Variants in OXR1 observed in about 807,000 individuals in gnomAD.
OXR1 encodes oxidation resistance 1.
A neutral mutation model predicts 104.6 loss-of-function variants in OXR1; 41 were observed. The ratio of observed to expected loss-of-function variants is 0.39; its 90% CI spans 0.31 to 0.51. The LOEUF (loss-of-function observed/expected upper bound fraction) is 0.51. Ranked by LOEUF, OXR1 falls within the 20% of genes least tolerant of loss-of-function variation. The probability of loss-of-function intolerance (pLI) is 0.77; values close to 1 mark genes in which losing one functional copy is unlikely to be tolerated. For missense variants in OXR1, 955 were observed against 1,031.9 expected (o/e 0.93, Z 1.02); for synonymous variants, 348 against 348.4 (o/e 1.00, Z 0.01).
chr8:106,522,882 T>G (rs1361248313), intron 3 of OXR1: 1 of 152,232 alleles, frequency 6.6e-6, no homozygotes, highest in African/African-American at 2.4e-5. Flanking sequence ...AACACCGATT[T>G]ATGAACTCAC....
chr8:106,366,719 C>T (rs1816483682), intron 2 of OXR1, among the ~76,000 whole-genome samples: 2 of 151,966 alleles, frequency 1.3e-5, no homozygotes, highest in Non-Finnish European at 2.9e-5. Context: ...GAATGAATGA[C>T]TGTTCCATTA....
intron 3 of OXR1, among the ~76,000 whole-genome samples, chr8:106,664,693 A>G (rs955922133): frequency 1.3e-5 from 2 of 152,244 alleles, no homozygotes; most frequent in South Asian, 2.1e-4. Flanking sequence ...GGCTAAACTT[A>G]GAAACCACTG....
intron 1 of OXR1, among the ~76,000 whole-genome samples, chr8:106,311,460 A>G (rs1813696290): frequency 6.6e-6 from 1 of 152,172 alleles, no homozygotes; most frequent in African/African-American, 2.4e-5. Flanking sequence ...TATTTGGTAT[A>G]TTTAGTTTAT....
chr8:106,465,756 A>G (rs978139137), intron 2 of OXR1, among the ~76,000 whole-genome samples: 1 of 151,992 alleles, frequency 6.6e-6, no homozygotes, highest in African/African-American at 2.4e-5. Flanking sequence ...AAACATCATG[A>G]CCTGTCAACA....
At chr8:106,564,512 A>C (rs1170653450) in intron 3 of OXR1, among the ~76,000 whole-genome samples, 3 of 152,060 alleles carry the variant, frequency 2.0e-5, no homozygotes, top group Admixed American at 2.0e-4. Context: ...ACCAAAAAAA[A>C]CCTGGGACCA....
At chr8:106,735,593 A>G (rs1185091947) in intron 11 of OXR1, among the ~76,000 whole-genome samples, 1 of 152,158 alleles carries the variant, frequency 6.6e-6, no homozygotes, top group African/African-American at 2.4e-5. Context: ...ATAGAAGGAA[A>G]GCAGAGAATT....
intron 2 of OXR1, among the ~76,000 whole-genome samples, chr8:106,402,050 C>A (rs781512551): frequency 6.6e-6 from 1 of 152,106 alleles, no homozygotes; most frequent in Non-Finnish European, 1.5e-5. Flanking sequence ...AAGGCATTTG[C>A]CAGATGGATA....
intron 2 of OXR1, among the ~76,000 whole-genome samples, chr8:106,395,279 C>A (rs1051555287): frequency 3.9e-5 from 6 of 152,030 alleles, no homozygotes; most frequent in African/African-American, 1.4e-4. Flanking sequence ...AGAGTTGGAG[C>A]CATCAATATG....
chr8:106,582,617 C>A lies in OXR1; in HGVS notation c.220+63478C>A, dbSNP rs114096552. Among the ~76,000 whole-genome samples the A allele has an allele frequency of 3.5e-3, 529 of 152,074 alleles. 6 individuals are homozygous for A. The highest frequency in any genetic ancestry group is 0.012 in the African/African-American group (515 of 41,496). ...ACAAATTCCTTATTGAGTTTCTGAG[C>A]AAAGCTTAATAATAATGAAGTTAGA... On this transcript the variant is annotated intron_variant, in intron 3 of 16. Transcript: ENST00000517566.
At chr8:106,657,779 CT>C (rs1825265429) in intron 3 of OXR1, 4 of 1,177,786 alleles carry the variant, frequency 3.4e-6, no homozygotes, top group Non-Finnish European at 4.3e-6. Flanking sequence ...TTTTGTCCGT[CT>C]TTTGCTCCCC....
chr8:106,432,301 A>C (rs992552846), intron 2 of OXR1, among the ~76,000 whole-genome samples: 2 of 150,918 alleles, frequency 1.3e-5, no homozygotes, highest in African/African-American at 2.4e-5. Context: ...CCCTCTCCTC[A>C]CTCTTCCATG....
At chr8:106,380,455 A>G (rs950611753) in intron 2 of OXR1, among the ~76,000 whole-genome samples, 1 of 152,164 alleles carries the variant, frequency 6.6e-6, no homozygotes, top group Non-Finnish European at 1.5e-5. Flanking sequence ...TTACATGGAC[A>G]TTGTTTTCAT....
chr8:106,360,086 A>C (rs1816174141), intron 2 of OXR1, among the ~76,000 whole-genome samples: 1 of 152,188 alleles, frequency 6.6e-6, no homozygotes, highest in Admixed American at 6.5e-5. Context: ...ATAGAACTGA[A>C]ATACGGAATA....
intron 1 of OXR1, among the ~76,000 whole-genome samples, chr8:106,327,875 A>G (rs1814537859): frequency 6.6e-6 from 1 of 152,246 alleles, no homozygotes; most frequent in Admixed American, 6.5e-5. Context: ...TGTGTTTTCA[A>G]AGAAAAGAAC....
chr8:106,503,934 A>G (rs532879767), intron 2 of OXR1, among the ~76,000 whole-genome samples: 4 of 152,216 alleles, frequency 2.6e-5, no homozygotes, highest in Non-Finnish European at 5.9e-5. Context: ...GCTTTCAGTC[A>G]CAAAGAGCAA....
chr8:106,406,034 C>G (rs1197822543), intron 2 of OXR1, among the ~76,000 whole-genome samples: 1 of 152,134 alleles, frequency 6.6e-6, no homozygotes, highest in African/African-American at 2.4e-5. Flanking sequence ...TGAAATCATT[C>G]TCTTATTCCT....
intron 6 of OXR1, 40 bp from the exon 7 acceptor site, chr8:106,692,688 T>C (rs1326027420): frequency 2.1e-5 from 28 of 1,340,210 alleles, no homozygotes; most frequent in Non-Finnish European, 2.7e-5. Context: ...TTATTTTGTT[T>C]TCTGCTTTTT....
intron 2 of OXR1, among the ~76,000 whole-genome samples, chr8:106,507,414 A>G (rs957540466): frequency 7.2e-5 from 11 of 152,256 alleles, no homozygotes; most frequent in African/African-American, 2.7e-4. Context: ...TTCAGAGTCC[A>G]TAGTCTTAAC....
At chr8:106,398,040 G>A (rs1269990470) in intron 2 of OXR1, among the ~76,000 whole-genome samples, 1 of 151,938 alleles carries the variant, frequency 6.6e-6, no homozygotes, top group African/African-American at 2.4e-5. Flanking sequence ...TCCTTCACAT[G>A]GCCTTCTCTG....
Sources: gnomAD v4.1 joint callset for allele counts (sites outside exome capture counted in the v4.1 genomes callset) on GRCh38, gnomAD v4.1.1 for gene constraint, MANE v1.5 for transcripts, NCBI Gene and HGNC (gene_info 2026-07-23, HGNC 2026-07-21) for gene names.